GRM5: variants seen among roughly 807,000 people sequenced by gnomAD.
The protein encoded by GRM5 is glutamate metabotropic receptor 5, also known as metabotropic glutamate receptor 5.
GRM5 carries 19 observed loss-of-function variants against 83.1 expected under a neutral mutation model. That is an observed-to-expected ratio of 0.23 (90% confidence interval 0.16 to 0.34). GRM5 has a LOEUF of 0.34. Among genes scored for constraint, GRM5 ranks in the 10% least tolerant of loss-of-function variants. GRM5 has a pLI of 1.00. For missense variants in GRM5, 1,160 were observed against 1,588.3 expected (o/e 0.73, Z 4.58); for synonymous variants, 675 against 633.6 (o/e 1.07, Z -0.98).
chr11:88,926,472 T>C (rs1211739850), intron 2 of GRM5, among the ~76,000 whole-genome samples: 1 of 152,184 alleles, frequency 6.6e-6, no homozygotes, highest in Non-Finnish European at 1.5e-5. Context: ...AACTTACGTA[T>C]ATATCTACTG....
intron 7 of GRM5, among the ~76,000 whole-genome samples, chr11:88,574,160 A>C (rs1943058719): frequency 6.6e-6 from 1 of 152,184 alleles, no homozygotes; most frequent in African/African-American, 2.4e-5. Flanking sequence ...TTTTGCACAC[A>C]AACGGGTCCT....
At chr11:88,791,172 A>G (rs1943165986) in intron 3 of GRM5, among the ~76,000 whole-genome samples, 1 of 152,190 alleles carries the variant, frequency 6.6e-6, no homozygotes, top group Non-Finnish European at 1.5e-5. Flanking sequence ...AGAAGATTAT[A>G]TCTACTCTCA....
intron 2 of GRM5, among the ~76,000 whole-genome samples, chr11:88,913,837 T>A (rs1415669617): frequency 6.6e-6 from 1 of 152,068 alleles, no homozygotes; most frequent in Non-Finnish European, 1.5e-5. Context: ...TTTACATACC[T>A]CGGCCTCCCA....
intron 4 of GRM5, among the ~76,000 whole-genome samples, chr11:88,651,547 T>C (rs150987872): frequency 1.8e-4 from 27 of 152,188 alleles, no homozygotes; most frequent in African/African-American, 6.3e-4. Context: ...TAGATAGAAC[T>C]GTTAAAATAT....
At chr11:88,829,938 G>C (rs988151268) in intron 3 of GRM5, among the ~76,000 whole-genome samples, 3 of 152,026 alleles carry the variant, frequency 2.0e-5, no homozygotes, top group East Asian at 1.9e-4. Flanking sequence ...TGATTATAAA[G>C]CCAAAGAGAA....
At chr11:88,798,191 T>C (rs548256577) in intron 3 of GRM5, among the ~76,000 whole-genome samples, 1 of 152,302 alleles carries the variant, frequency 6.6e-6, no homozygotes, top group South Asian at 2.1e-4. Flanking sequence ...CAGTGTTGAG[T>C]GATATTTAGC....
At chr11:89,062,811 TC>T (rs923390921) in intron 1 of GRM5, among the ~76,000 whole-genome samples, 4 of 152,256 alleles carry the variant, frequency 2.6e-5, no homozygotes, top group African/African-American at 9.6e-5. Flanking sequence ...CCGGCTAGCC[TC>T]CGCACTCACG....
intron 4 of GRM5, among the ~76,000 whole-genome samples, chr11:88,638,204 T>C (rs1939192346): frequency 6.7e-6 from 1 of 149,592 alleles, no homozygotes. Flanking sequence ...TACCTAATGC[T>C]AGATGACGAG....
At chr11:88,540,301 G>A (rs2135130122) in intron 8 of GRM5, among the ~76,000 whole-genome samples, 1 of 151,926 alleles carries the variant, frequency 6.6e-6, no homozygotes, top group South Asian at 2.1e-4. Flanking sequence ...TCATTCCTTT[G>A]TCTTTGGACA....
chr11:88,668,672 G>A (rs1396162881), intron 3 of GRM5, among the ~76,000 whole-genome samples: 5 of 152,034 alleles, frequency 3.3e-5, no homozygotes, highest in African/African-American at 1.2e-4. Context: ...GGTAACAAGA[G>A]GTCTGTCTTA....
chr11:88,919,537 T>C (rs923525161), intron 2 of GRM5, among the ~76,000 whole-genome samples: 13 of 151,188 alleles, frequency 8.6e-5, no homozygotes, highest in African/African-American at 2.9e-4. Context: ...ATAGGCACTA[T>C]AGATCAAATG....
At chr11:88,744,184 A>T (rs6483417) in intron 3 of GRM5, among the ~76,000 whole-genome samples, 96,025 of 151,972 alleles carry the variant, frequency 0.63, 31,021 homozygotes, top group South Asian at 0.86. Flanking sequence ...GGAAAGCCAA[A>T]TGAGAGCAAT....
intron 2 of GRM5, among the ~76,000 whole-genome samples, chr11:89,008,303 A>G (rs373361647): frequency 2.6e-5 from 4 of 152,306 alleles, no homozygotes; most frequent in Non-Finnish European, 5.9e-5. Flanking sequence ...TAGCTGGATT[A>G]TCAAGCAAAT....
Position 88,897,687 on chromosome 11 carries a change from G to T in GRM5, c.662-47532C>A, listed in dbSNP as rs558960939. On this transcript the variant is annotated intron_variant, in intron 2 of 9. Transcript: ENST00000305447. ...CAAACATTCTACAATGCATAGGAAA[G>T]ACCACCTGAAAATATATGTATATTC... Among the ~76,000 whole-genome samples the T allele has an allele frequency of 9.9e-5, 15 of 151,932 alleles. 1 individual carries two copies. The highest frequency in any genetic ancestry group is 9.9e-4 in the Admixed American group (15 of 15,208).
intron 8 of GRM5, among the ~76,000 whole-genome samples, chr11:88,531,258 G>A (rs978188676): frequency 6.6e-6 from 1 of 152,058 alleles, no homozygotes; most frequent in Admixed American, 6.6e-5. Flanking sequence ...AATGTCCTTA[G>A]GAGGGAATTG....
chr11:88,842,286 A>G (rs1166642909), intron 3 of GRM5, among the ~76,000 whole-genome samples: 1 of 152,166 alleles, frequency 6.6e-6, no homozygotes, highest in African/African-American at 2.4e-5. Context: ...ATTTCAACCT[A>G]TCAACTGAAA....
At chr11:88,651,374 C>T (rs193079768) in intron 4 of GRM5, among the ~76,000 whole-genome samples, 39 of 152,078 alleles carry the variant, frequency 2.6e-4, no homozygotes, top group Non-Finnish European at 5.3e-4. Flanking sequence ...ACTAATTCCT[C>T]ATAAAGAGGA....
intron 3 of GRM5, among the ~76,000 whole-genome samples, chr11:88,702,833 A>G (rs1308135172): frequency 6.6e-6 from 1 of 152,096 alleles, no homozygotes; most frequent in Non-Finnish European, 1.5e-5. Flanking sequence ...GGACAGCCAC[A>G]TGAGTAGGCA....
chr11:89,057,359 C>T (rs1941900457), intron 1 of GRM5, among the ~76,000 whole-genome samples: 1 of 151,926 alleles, frequency 6.6e-6, no homozygotes, highest in Non-Finnish European at 1.5e-5. Flanking sequence ...CTCAATCACA[C>T]ATTTGTGACC....
Sources: allele counts gnomAD v4.1 joint callset (sites outside exome capture counted in the v4.1 genomes callset), GRCh38; gene constraint gnomAD v4.1.1; transcripts MANE v1.5; gene names NCBI Gene and HGNC (gene_info 2026-07-23, HGNC 2026-07-21).